The following PPP6R2 variants were observed in gnomAD, a reference collection of about 807,000 sequenced individuals.
PPP6R2 encodes protein phosphatase 6 regulatory subunit 2.
Under a neutral mutation model 100.2 loss-of-function variants are expected in PPP6R2, and 62 were observed. That is an observed-to-expected ratio of 0.62 (90% CI 0.50 to 0.76). PPP6R2 has a LOEUF of 0.76. Among genes scored for constraint, PPP6R2 ranks in the 30% least tolerant of loss-of-function variants. The pLI is 0.00. For synonymous variants in PPP6R2, 525 were observed against 514.7 expected (o/e 1.02, Z -0.27); for missense variants, 1,142 against 1,276.3 (o/e 0.89, Z 1.60).
intron 2 of PPP6R2, among the ~76,000 whole-genome samples, chr22:50,390,316 A>G (rs1243063768): frequency 1.3e-5 from 2 of 152,170 alleles, no homozygotes; most frequent in African/African-American, 2.4e-5. Flanking sequence ...CAAGAGAAAC[A>G]TTTTAAATAT....
chr22:50,403,766 T>A (rs764413601), intron 3 of PPP6R2, among the ~76,000 whole-genome samples: 53 of 152,198 alleles, frequency 3.5e-4, no homozygotes, highest in Non-Finnish European at 7.3e-4. Context: ...ACAGGCGCTG[T>A]TCCTCAGAGC....
intron 4 of PPP6R2, among the ~76,000 whole-genome samples, chr22:50,413,611 C>T (rs947418086): frequency 2.0e-5 from 3 of 152,162 alleles, no homozygotes; most frequent in Non-Finnish European, 4.4e-5. Flanking sequence ...TTTTGTCCTT[C>T]GTCTTTCTAG....
At chr22:50,335,082 C>T in the PPP6R2 span, among the ~76,000 whole-genome samples, 25 of 151,974 alleles carry the variant, frequency 1.6e-4, no homozygotes, top group African/African-American at 6.0e-4. Context: ...GACAGGGTCT[C>T]GCTCTGTCGC....
intron 2 of PPP6R2, among the ~76,000 whole-genome samples, chr22:50,379,732 T>C (rs114881038): frequency 0.016 from 2,455 of 152,004 alleles, 66 homozygotes; most frequent in African/African-American, 0.056. Flanking sequence ...ATAAAAAAAT[T>C]AGCTGGGCAT....
intron 2 of PPP6R2, among the ~76,000 whole-genome samples, chr22:50,388,436 C>T (rs2054721617): frequency 1.3e-5 from 2 of 151,040 alleles, no homozygotes; most frequent in African/African-American, 2.4e-5. Flanking sequence ...CAAGGTGGCT[C>T]ATGTCTGTAA....
intron 2 of PPP6R2, among the ~76,000 whole-genome samples, chr22:50,381,071 G>A (rs1415565486): frequency 1.4e-5 from 2 of 143,844 alleles, no homozygotes; most frequent in African/African-American, 5.2e-5. Context: ...CCAAGATCAC[G>A]CCATTGCACT....
chr22:50,411,543 A>G (rs2059740812), intron 4 of PPP6R2, among the ~76,000 whole-genome samples: 1 of 152,020 alleles, frequency 6.6e-6, no homozygotes, highest in African/African-American at 2.4e-5. Flanking sequence ...ATCTGAGGTC[A>G]GGAGTTTGAG....
upstream of PPP6R2, among the ~76,000 whole-genome samples, chr22:50,339,523 ATGTGGTGTGTGGTGTGTG>A (rs2042344568): frequency 2.8e-5 from 1 of 35,726 alleles, no homozygotes; most frequent in Admixed American, 2.9e-4. Flanking sequence ...TGTGTGTGGT[ATGTGGTGTGTGGTGTGTG>A]TGTGGTGTGT....
intron 1 of PPP6R2, among the ~76,000 whole-genome samples, chr22:50,360,739 C>T (rs1163985343): frequency 6.6e-6 from 1 of 152,104 alleles, no homozygotes; most frequent in Non-Finnish European, 1.5e-5. Context: ...TGTCAGAGCT[C>T]ACAGATAGGA....
chr22:50,438,927 G>C (rs1251380728), intron 19 of PPP6R2, among the ~76,000 whole-genome samples, 165 bp downstream of exon 19: 6 of 152,220 alleles, frequency 3.9e-5, no homozygotes, highest in East Asian at 1.9e-4. Flanking sequence ...GTAGGGGTCT[G>C]TGCTGCGCTG....
At chr22:50,394,323 A>C (rs12160258) in intron 3 of PPP6R2, among the ~76,000 whole-genome samples, 188 bp downstream of exon 3, 54,916 of 152,046 alleles carry the variant, frequency 0.36, 10,499 homozygotes, top group South Asian at 0.61. Flanking sequence ...GATTGGGTGC[A>C]GTGGCTCACG....
intron 3 of PPP6R2, among the ~76,000 whole-genome samples, chr22:50,399,829 C>T (rs1214131476): frequency 2.0e-5 from 3 of 152,222 alleles, no homozygotes; most frequent in Non-Finnish European, 4.4e-5. Flanking sequence ...AGAGCACTGC[C>T]TGCCCAGGCC....
intron 3 of PPP6R2, among the ~76,000 whole-genome samples, chr22:50,395,739 AT>A (rs1031011146): frequency 7.9e-5 from 12 of 151,058 alleles, no homozygotes; most frequent in Admixed American, 5.9e-4. Context: ...TTATTTTTGT[AT>A]TTTTTTTGTA....
chr22:50,413,162 T>G (rs932358663), intron 4 of PPP6R2, among the ~76,000 whole-genome samples: 3 of 151,552 alleles, frequency 2.0e-5, no homozygotes, highest in Non-Finnish European at 4.4e-5. Context: ...TCCTCCATGT[T>G]GAGGCTGGTC....
chr22:50,425,797 C>T (rs550641587), intron 10 of PPP6R2, among the ~76,000 whole-genome samples: 5 of 151,782 alleles, frequency 3.3e-5, no homozygotes, highest in African/African-American at 1.2e-4. Flanking sequence ...AGCATCTTCT[C>T]GTGCTTTTTG....
intron 3 of PPP6R2, among the ~76,000 whole-genome samples, chr22:50,403,974 C>T (rs575743187): frequency 3.3e-5 from 5 of 152,332 alleles, no homozygotes; most frequent in Admixed American, 3.3e-4. Flanking sequence ...CTAGGGCTGC[C>T]TCTCTACCTG....
chr22:50,414,516 C>T (rs1231344412), intron 4 of PPP6R2, 36 bp from the exon 5 acceptor site: 7 of 1,606,460 alleles, frequency 4.4e-6, no homozygotes, highest in South Asian at 2.2e-5. Flanking sequence ...TTGTCAGGGT[C>T]GGCCCCGCCT....
At chr22:50,347,238 C>G (rs1238351497) in intron 1 of PPP6R2, among the ~76,000 whole-genome samples, 1 of 152,024 alleles carries the variant, frequency 6.6e-6, no homozygotes, top group African/African-American at 2.4e-5. Context: ...CATTAGTACC[C>G]TGCCCTGCTG....
At chr22:50,400,780 A>G (rs1056561427) in intron 3 of PPP6R2, among the ~76,000 whole-genome samples, 15 of 152,358 alleles carry the variant, frequency 9.8e-5, no homozygotes, top group East Asian at 3.9e-4. Flanking sequence ...AATGAGGTCA[A>G]CAGTGGATAT....
Sources: gnomAD v4.1 joint callset for allele counts (sites outside exome capture counted in the v4.1 genomes callset) on GRCh38, gnomAD v4.1.1 for gene constraint, MANE v1.5 for transcripts, NCBI Gene and HGNC (gene_info 2026-07-23, HGNC 2026-07-21) for gene names.